Variants in DPYSL2 observed in about 807,000 individuals in gnomAD.
DPYSL2 encodes dihydropyrimidinase like 2.
DPYSL2 carries 13 observed loss-of-function variants against 69.9 expected under a neutral mutation model. That is an observed-to-expected ratio of 0.19 (90% CI 0.12 to 0.30). DPYSL2 has a LOEUF of 0.30. Ranked by LOEUF, DPYSL2 falls within the 10% of genes least tolerant of loss-of-function variation. The pLI is 1.00. For missense variants in DPYSL2, 587 were observed against 918.9 expected, an observed-to-expected ratio of 0.64 and a Z score of 4.67; for synonymous variants, 326 against 359.1, an observed-to-expected ratio of 0.91 and a Z score of 1.04.
chr8:26,581,864 A>G (rs1486718666), intron 1 of DPYSL2, 105 bp from the exon 2 acceptor site: 5 of 892,188 alleles, frequency 5.6e-6, no homozygotes, highest in African/African-American at 1.7e-5. Context: ...GCTTATTTTG[A>G]ACATCACTTT....
At chr8:26,618,778 C>CAAAAAA (rs71216765) in intron 3 of DPYSL2, among the ~76,000 whole-genome samples, 2 of 85,182 alleles carry the variant, frequency 2.3e-5, no homozygotes, top group African/African-American at 4.8e-5. Flanking sequence ...CCATCTCTAC[C>CAAAAAA]AAAAAAAAAA....
Position 26,627,943 on chromosome 8 carries a change from G to T in DPYSL2, c.1005+3G>T, listed in dbSNP as rs373529652. The T allele has an allele frequency of 6.2e-7, 1 of 1,613,470 alleles. No homozygotes were observed. Among genetic ancestry groups the T allele is most frequent in the Non-Finnish European group, 8.5e-7 (1 of 1,179,878 alleles). On this transcript the variant is annotated splice_donor_region_variant and intron_variant, in intron 7 of 13. Coordinates refer to ENST00000521913, the MANE Select transcript of DPYSL2 (RefSeq NM_001197293.3). This position sits in a 1 kb window ranked among gnomAD's most constrained non-coding sequence, Gnocchi z 6.9. ...ATGTGCTGAGCCGACCTGAGGAGGT[G>T]AATGTTCACCAAGCGGAATGCGTGA...
chr8:26,635,569 TGC>T (rs1264483143), intron 8 of DPYSL2, among the ~76,000 whole-genome samples: 1 of 152,202 alleles, frequency 6.6e-6, no homozygotes, highest in Admixed American at 6.5e-5. Context: ...ATAATCACAC[TGC>T]ATCTTTTATG....
At chr8:26,606,750 A>G (rs886790658) in intron 3 of DPYSL2, among the ~76,000 whole-genome samples, 20 of 152,202 alleles carry the variant, frequency 1.3e-4, no homozygotes, top group Non-Finnish European at 2.5e-4. Flanking sequence ...AAATGAAACT[A>G]TGTTGGAGGA....
At chr8:26,568,945 C>T (rs1801194380) in intron 1 of DPYSL2, among the ~76,000 whole-genome samples, 1 of 152,158 alleles carries the variant, frequency 6.6e-6, no homozygotes, top group Non-Finnish European at 1.5e-5. Context: ...AGGCTTGATG[C>T]TTCCCAAGGA....
At chr8:26,646,514 T>G (rs137899317) in intron 10 of DPYSL2, among the ~76,000 whole-genome samples, 2 of 152,210 alleles carry the variant, frequency 1.3e-5, no homozygotes, top group Non-Finnish European at 2.9e-5. Flanking sequence ...CTGATTAGAG[T>G]GAAAATTTTT....
At position 26,648,096 on chromosome 8, in the gene DPYSL2, C is replaced by A. The variant is rs746426037; in HGVS notation, c.1596+296C>A. ...TGCAAAGCTTCCAGAAGTCAGGCAC[C>A]GCTCCATTTTCATAGGTTGGCACAG... On this transcript the variant is annotated intron_variant, in intron 11 of 13. Coordinates refer to ENST00000521913, the MANE Select transcript of DPYSL2 (RefSeq NM_001197293.3). The surrounding 1 kb of genome is among the most constrained non-coding windows in gnomAD (Gnocchi z 4.3). 2.0e-5 allele frequency among the ~76,000 whole-genome samples: 3 copies of A among 152,044 alleles called. No homozygotes were observed. The highest frequency in any genetic ancestry group is 4.4e-5 in the Non-Finnish European group (3 of 68,030).
chr8:26,629,715 C>T (rs534875821), intron 7 of DPYSL2, among the ~76,000 whole-genome samples: 5 of 152,166 alleles, frequency 3.3e-5, no homozygotes, highest in African/African-American at 4.8e-5. Flanking sequence ...TAAGATCAGC[C>T]GACCATAAAC....
At chr8:26,592,693 T>G (rs534949557) in intron 3 of DPYSL2, among the ~76,000 whole-genome samples, 20 of 151,712 alleles carry the variant, frequency 1.3e-4, no homozygotes, top group Non-Finnish European at 2.5e-4. Flanking sequence ...GTCAGGCTGG[T>G]CACGAACTCC....
intron 1 of DPYSL2, among the ~76,000 whole-genome samples, chr8:26,518,916 G>T (rs1399266192): frequency 1.3e-5 from 2 of 152,146 alleles, no homozygotes; most frequent in Non-Finnish European, 2.9e-5. Flanking sequence ...GATTAGATTT[G>T]GGATGAAATA....
chr8:26,558,966 G>A (rs1295671453), intron 1 of DPYSL2, among the ~76,000 whole-genome samples: 7 of 151,752 alleles, frequency 4.6e-5, no homozygotes, highest in Non-Finnish European at 7.4e-5. Context: ...TTTTTGAGAC[G>A]GAGTCTCGCT....
In DPYSL2 at chr8:26,571,117, G is replaced by A. The variant is rs543130070; in HGVS notation, c.355-10852G>A. Among the ~76,000 whole-genome samples the A allele has an allele frequency of 2.0e-5, 3 of 152,334 alleles. No homozygotes were observed. The South Asian group carries it at 6.2e-4, about 32-fold the overall frequency. On this transcript the variant is annotated intron_variant, in intron 1 of 13. Transcript: ENST00000521913. The surrounding 1 kb of genome is among the most constrained non-coding windows in gnomAD (Gnocchi z 6.1). ...GCAGACCAGTGATGCCCTGTGGTGAGTGGACCCCTCACTAGGTAGGGAGTG... is the reference window on the plus strand; with the variant it reads ...GCAGACCAGTGATGCCCTGTGGTGAATGGACCCCTCACTAGGTAGGGAGTG...
intron 1 of DPYSL2, among the ~76,000 whole-genome samples, chr8:26,569,816 C>T (rs1801210055): frequency 6.6e-6 from 1 of 152,020 alleles, no homozygotes; most frequent in South Asian, 2.1e-4. Flanking sequence ...GAACAGCAGC[C>T]ACAAAGGGCC....
intron 1 of DPYSL2, among the ~76,000 whole-genome samples, chr8:26,534,671 C>T (rs1263356671): frequency 6.6e-6 from 1 of 151,964 alleles, no homozygotes; most frequent in Non-Finnish European, 1.5e-5. Flanking sequence ...GTCTCATTCT[C>T]ACCCAGGCTG....
chr8:26,578,955 GC>G (rs11285674), intron 1 of DPYSL2, among the ~76,000 whole-genome samples: 130,382 of 151,226 alleles, frequency 0.86, 56,910 homozygotes, highest in East Asian at 0.97. Context: ...GGTTTTGGGT[GC>G]CCCCCCCCCG....
chr8:26,615,997 A>G (rs1802338533), intron 3 of DPYSL2, among the ~76,000 whole-genome samples: 1 of 152,186 alleles, frequency 6.6e-6, no homozygotes. Flanking sequence ...AACCACATCT[A>G]TGTAGCAGAT....
rs1391151042 is a variant in DPYSL2, at chr8:26,517,891, G to A, written c.354+3212G>A. On this transcript the variant is annotated intron_variant, in intron 1 of 13. Coordinates refer to ENST00000521913, the MANE Select transcript of DPYSL2 (RefSeq NM_001197293.3). The surrounding 1 kb of genome is among the most constrained non-coding windows in gnomAD (Gnocchi z 4.2). ...GGTCCCCATCCCTTCTGCCTGTGTT[G>A]AATCTCTTCTGGCCCTGGGAGCCCA... Among the ~76,000 whole-genome samples the A allele has an allele frequency of 6.6e-6, 1 of 152,138 alleles. No individual in the cohort carries two copies. The highest frequency in any genetic ancestry group is 1.5e-5 in the Non-Finnish European group (1 of 68,028).
intron 3 of DPYSL2, among the ~76,000 whole-genome samples, chr8:26,616,343 C>G (rs1320575412): frequency 6.6e-6 from 1 of 152,194 alleles, no homozygotes; most frequent in Non-Finnish European, 1.5e-5. Context: ...AAGCCATTCC[C>G]TGCCTGGTTG....
chr8:26,604,846 A>G (rs1264368160), intron 3 of DPYSL2, among the ~76,000 whole-genome samples: 3 of 151,552 alleles, frequency 2.0e-5, no homozygotes, highest in Non-Finnish European at 4.4e-5. Context: ...ATTTTTTTTT[A>G]GTAGAGACGG....
Sources: gnomAD v4.1 joint callset for allele counts (sites outside exome capture counted in the v4.1 genomes callset) on GRCh38, gnomAD v4.1.1 for gene constraint, Gnocchi (gnomAD v3.1) non-coding constraint, MANE v1.5 for transcripts, NCBI Gene and HGNC (gene_info 2026-07-23, HGNC 2026-07-21) for gene names.